The following DGKB variants were observed in gnomAD, a reference collection of about 807,000 sequenced individuals.
DGKB encodes the protein diacylglycerol kinase beta, also known as 90 kDa diacylglycerol kinase.
A neutral mutation model predicts 114.3 loss-of-function variants in DGKB; 67 were observed. The ratio of observed to expected loss-of-function variants is 0.59; its 90% CI spans 0.48 to 0.72. DGKB has a LOEUF of 0.72. Among genes scored for constraint, DGKB ranks in the 30% least tolerant of loss-of-function variants. DGKB has a pLI of 0.00. For missense variants in DGKB, 907 were observed against 975.2 expected (o/e 0.93, Z 0.93); for synonymous variants, 398 against 323.1 (o/e 1.23, Z -2.49).
Position 14,785,319 on chromosome 7 carries a change from C to T in DGKB, c.71-27588G>A, listed in dbSNP as rs1356481338. Among the ~76,000 whole-genome samples, 7 of 152,212 alleles carry T rather than the reference C, an allele frequency of 4.6e-5. No homozygotes were observed. The East Asian group carries it at 1.4e-3, about 29-fold the overall frequency. Reference sequence around the variant, plus strand: ...GTATAGAAAACGGCAGGCAAACTCACTAGCTCATTAAAATAGCTTCAGTGT... The same window carrying T: ...GTATAGAAAACGGCAGGCAAACTCATTAGCTCATTAAAATAGCTTCAGTGT... On this transcript the variant is annotated intron_variant, in intron 2 of 25. Coordinates refer to ENST00000402815, the MANE Select transcript of DGKB (RefSeq NM_001350709.2).
rs73272153 is a variant in DGKB, at chr7:14,700,591, T to G, written c.516+1090A>C. ...GCATCAATTCAGAGTGATGGTCATT[T>G]CCTAGAGTAGGAGTTATATATTTTA... is the stretch of plus-strand genomic sequence containing the variant. On this transcript the variant is annotated intron_variant, in intron 7 of 25. Coordinates refer to ENST00000402815, the MANE Select transcript of DGKB (RefSeq NM_001350709.2). 7.6e-3 allele frequency among the ~76,000 whole-genome samples: 1,156 copies of G among 152,288 alleles called. 10 individuals are homozygous for G. The highest frequency in any genetic ancestry group is 0.026 in the African/African-American group (1,098 of 41,552).
intron 1 of DGKB, among the ~76,000 whole-genome samples, chr7:14,886,582 A>G (rs1855086314): frequency 6.6e-6 from 1 of 151,884 alleles, no homozygotes; most frequent in Non-Finnish European, 1.5e-5. Context: ...ATTTCAGACT[A>G]TCACAAGTCT....
chr7:14,562,058 T>C (rs1354090681), intron 20 of DGKB, among the ~76,000 whole-genome samples: 4 of 152,186 alleles, frequency 2.6e-5, no homozygotes, highest in Non-Finnish European at 5.9e-5. Context: ...ACCCCATGTC[T>C]CAGCTACTCC....
At chr7:14,263,794 T>A (rs977606271) in intron 23 of DGKB, among the ~76,000 whole-genome samples, 5 of 152,150 alleles carry the variant, frequency 3.3e-5, no homozygotes, top group African/African-American at 1.2e-4. Context: ...GCAAATCATT[T>A]TTTATTGTAT....
intron 25 of DGKB, among the ~76,000 whole-genome samples, chr7:14,173,513 A>T (rs1465781900): frequency 2.0e-5 from 3 of 152,326 alleles, no homozygotes; most frequent in African/African-American, 4.8e-5. Flanking sequence ...TACTAATAGA[A>T]AAAACAGAAC....
intron 1 of DGKB, among the ~76,000 whole-genome samples, chr7:14,852,571 G>A (rs1171959277): frequency 2.1e-5 from 3 of 143,754 alleles, no homozygotes; most frequent in Admixed American, 7.0e-5. Flanking sequence ...CATTTTGTAG[G>A]ACATGTTTTG....
chr7:14,707,081 A>C (rs1039111311), intron 6 of DGKB, among the ~76,000 whole-genome samples: 9 of 145,922 alleles, frequency 6.2e-5, no homozygotes, highest in African/African-American at 1.8e-4. Context: ...AAGACTAATA[A>C]AGAAAAAAAG....
intron 21 of DGKB, among the ~76,000 whole-genome samples, chr7:14,456,897 A>T (rs1832362628): frequency 6.6e-6 from 1 of 152,120 alleles, no homozygotes; most frequent in African/African-American, 2.4e-5. Context: ...TTGCTTAAAT[A>T]ATCATCATCT....
intron 1 of DGKB, among the ~76,000 whole-genome samples, chr7:14,890,578 C>T (rs1781043905): frequency 6.6e-6 from 1 of 151,470 alleles, no homozygotes; most frequent in African/African-American, 2.4e-5. Flanking sequence ...TTTCTCCACA[C>T]TTCATATAGT....
intron 13 of DGKB, among the ~76,000 whole-genome samples, chr7:14,644,803 A>C (rs1245372202): frequency 6.6e-6 from 1 of 152,222 alleles, no homozygotes; most frequent in Non-Finnish European, 1.5e-5. Flanking sequence ...ATACTTGAAA[A>C]TATCCTATGT....
intron 20 of DGKB, among the ~76,000 whole-genome samples, chr7:14,539,230 T>C (rs1365133817): frequency 2.0e-5 from 3 of 152,282 alleles, no homozygotes; most frequent in Admixed American, 6.5e-5. Flanking sequence ...ATTATGGTGA[T>C]AGTAGTGAGA....
chr7:14,510,706 A>C (rs1787858725), intron 20 of DGKB, among the ~76,000 whole-genome samples: 1 of 152,162 alleles, frequency 6.6e-6, no homozygotes, highest in African/African-American at 2.4e-5. Flanking sequence ...TCCCAGGTCC[A>C]TTTGATGAAT....
intron 2 of DGKB, among the ~76,000 whole-genome samples, chr7:14,764,508 G>A (rs1476545199): frequency 6.6e-6 from 1 of 151,868 alleles, no homozygotes; most frequent in Non-Finnish European, 1.5e-5. Flanking sequence ...ATACACTGAT[G>A]TTTGCACTCA....
At chr7:14,969,594 T>A (rs767395710) in intron 1 of DGKB, among the ~76,000 whole-genome samples, 2 of 152,262 alleles carry the variant, frequency 1.3e-5, no homozygotes, top group African/African-American at 4.8e-5. Flanking sequence ...CACAGGAGCA[T>A]GAATCCTATT....
intron 21 of DGKB, among the ~76,000 whole-genome samples, chr7:14,388,851 T>C (rs1171705069): frequency 6.6e-6 from 1 of 152,114 alleles, no homozygotes; most frequent in Non-Finnish European, 1.5e-5. Context: ...AATCAGAAGC[T>C]TGTTGAACTC....
At chr7:14,697,717 AAAGG>A (rs986931569) in intron 8 of DGKB, among the ~76,000 whole-genome samples, 2 of 137,156 alleles carry the variant, frequency 1.5e-5, no homozygotes, top group African/African-American at 6.1e-5. Flanking sequence ...GAAAGAAAGA[AAAGG>A]AAGGAAGGAA....
chr7:14,182,204 A>C (rs1782730645), intron 23 of DGKB, among the ~76,000 whole-genome samples: 1 of 152,030 alleles, frequency 6.6e-6, no homozygotes, highest in Non-Finnish European at 1.5e-5. Flanking sequence ...CTATAAAATA[A>C]AATAACACAT....
At chr7:14,150,125 T>C (rs909279613) in intron 25 of DGKB, among the ~76,000 whole-genome samples, 1 of 152,082 alleles carries the variant, frequency 6.6e-6, no homozygotes, top group Non-Finnish European at 1.5e-5. Context: ...AATAAAAAGG[T>C]CACATCTTGC....
intron 20 of DGKB, among the ~76,000 whole-genome samples, chr7:14,539,346 C>T (rs1793041925): frequency 6.6e-6 from 1 of 151,968 alleles, no homozygotes; most frequent in African/African-American, 2.4e-5. Flanking sequence ...TGAACCAAAT[C>T]CCACACTGTC....
Sources: gnomAD v4.1 joint callset for allele counts (sites outside exome capture counted in the v4.1 genomes callset) on GRCh38, gnomAD v4.1.1 for gene constraint, MANE v1.5 for transcripts, NCBI Gene and HGNC (gene_info 2026-07-23, HGNC 2026-07-21) for gene names.